RNLS: variants seen among roughly 807,000 people sequenced by gnomAD.
The protein encoded by RNLS is renalase, FAD dependent amine oxidase, also known as renalase.
A neutral mutation model predicts 39.8 loss-of-function variants in RNLS; 39 were observed. That is an observed-to-expected ratio of 0.98 (90% CI 0.76 to 1.28). The LOEUF is 1.28. Ranked by LOEUF, RNLS falls within the 50% of genes most tolerant of loss-of-function variation. The probability of loss-of-function intolerance (pLI) is 0.00; values close to 1 mark genes in which losing one functional copy is unlikely to be tolerated. For synonymous variants in RNLS, 147 were observed against 150.7 expected (o/e 0.98, Z 0.18); for missense variants, 410 against 413.3 (o/e 0.99, Z 0.07).
At chr10:88,366,663 GAAAAAAAAAAAAAA>G (rs774157650) in intron 4 of RNLS, among the ~76,000 whole-genome samples, 9 of 25,834 alleles carry the variant, frequency 3.5e-4, no homozygotes, top group African/African-American at 9.7e-4. Flanking sequence ...TAAGTTTTCT[GAAAAAAAAAAAAAA>G]AAAAAAAAAA....
the RNLS span, among the ~76,000 whole-genome samples, chr10:88,226,738 C>CTT: frequency 0.011 from 762 of 69,476 alleles, 75 homozygotes; most frequent in South Asian, 0.016. Context: ...TCTCCCTTCA[C>CTT]TTTTTTTTTT....
chr10:88,183,713 T>A, the RNLS span, among the ~76,000 whole-genome samples: 1 of 152,142 alleles, frequency 6.6e-6, no homozygotes, highest in East Asian at 1.9e-4. Flanking sequence ...ATAGGGAACA[T>A]CTTGTGTTTT....
intron 4 of RNLS, among the ~76,000 whole-genome samples, chr10:88,385,128 A>G (rs762144506): frequency 9.9e-5 from 15 of 152,226 alleles, no homozygotes; most frequent in Admixed American, 4.6e-4. Context: ...ATGCTAGCTC[A>G]TTTCCTTGGA....
intron 4 of RNLS, among the ~76,000 whole-genome samples, chr10:88,381,968 G>A (rs117120221): frequency 0.018 from 2,771 of 152,024 alleles, 37 homozygotes; most frequent in Non-Finnish European, 0.032. Context: ...AAGTTTTATT[G>A]GAACCAGCCA....
At chr10:88,492,612 A>T (rs1376478650) in intron 4 of RNLS, among the ~76,000 whole-genome samples, 2 of 151,336 alleles carry the variant, frequency 1.3e-5, no homozygotes, top group African/African-American at 4.9e-5. Context: ...AGAGACGGAG[A>T]TTCTCTCTGT....
intron 4 of RNLS, among the ~76,000 whole-genome samples, chr10:88,554,179 A>T (rs1315905299): frequency 6.6e-6 from 1 of 152,130 alleles, no homozygotes; most frequent in African/African-American, 2.4e-5. Flanking sequence ...TGATCCAAAA[A>T]AAAAAAGCTG....
intron 6 of RNLS, among the ~76,000 whole-genome samples, chr10:88,277,820 T>C (rs888224916): frequency 1.3e-5 from 2 of 152,188 alleles, no homozygotes; most frequent in African/African-American, 2.4e-5. Context: ...GTTCTAGTGA[T>C]TTATTCTTAA....
intron 4 of RNLS, among the ~76,000 whole-genome samples, chr10:88,477,816 T>G (rs1843905216): frequency 1.3e-5 from 2 of 152,196 alleles, no homozygotes; most frequent in African/African-American, 4.8e-5. Context: ...TTCACACAGC[T>G]GTCCAGAGCA....
rs186701333 is a variant in RNLS at position 88,385,436 on chromosome 10, T to G, written c.527-22711A>C. 2.2e-4 allele frequency among the ~76,000 whole-genome samples: 33 copies of G among 152,312 alleles called. 1 individual carries two copies. The East Asian group carries it at 2.9e-3, about 13-fold the overall frequency. The stretch of plus-strand genomic sequence containing the variant: ...CCAATTTAACTGGATGTCAGGTATT[T>G]CTATTTATTAAACCCGGCAGCCTAG... On this transcript the variant is annotated intron_variant, in intron 4 of 6. Transcript: ENST00000331772.
At chr10:88,538,532 G>C (rs928314195) in intron 4 of RNLS, among the ~76,000 whole-genome samples, 30 of 151,424 alleles carry the variant, frequency 2.0e-4, no homozygotes, top group Admixed American at 2.0e-3. Flanking sequence ...AAACTTGAAA[G>C]AAATAATAAA....
chr10:88,571,623 T>C lies in RNLS; in HGVS notation c.526+1280A>G, dbSNP rs58081364. On this transcript the variant is annotated intron_variant, in intron 4 of 6. Coordinates refer to ENST00000331772, the MANE Select transcript of RNLS (RefSeq NM_001031709.3). ...CTGGCCTGATGAAACAAAAGCTAACTGAGCAAGTGCAACTTCTTGGAGAAA... is the reference window on the plus strand; with the variant it reads ...CTGGCCTGATGAAACAAAAGCTAACCGAGCAAGTGCAACTTCTTGGAGAAA... Among the ~76,000 whole-genome samples the C allele has an allele frequency of 7.8e-3, 1,191 of 152,298 alleles. 23 individuals are homozygous for C. The highest frequency in any genetic ancestry group is 0.07 in the South Asian group (337 of 4,822).
At chr10:88,447,884 C>T (rs1318316582) in intron 4 of RNLS, among the ~76,000 whole-genome samples, 3 of 152,106 alleles carry the variant, frequency 2.0e-5, no homozygotes, top group Non-Finnish European at 4.4e-5. Context: ...CTTTGACAAA[C>T]CTGACAAAAA....
At chr10:88,480,749 C>T (rs1490137144) in intron 4 of RNLS, among the ~76,000 whole-genome samples, 1 of 150,452 alleles carries the variant, frequency 6.6e-6, no homozygotes, top group Non-Finnish European at 1.5e-5. Flanking sequence ...TTCTAAAATT[C>T]TTATGGAACT....
At chr10:88,372,392 A>T (rs1589674923) in intron 4 of RNLS, among the ~76,000 whole-genome samples, 1 of 152,210 alleles carries the variant, frequency 6.6e-6, no homozygotes, top group East Asian at 1.9e-4. Context: ...CAGCCATTGT[A>T]AAAGACTATC....
At position 88,284,283 on chromosome 10, in the gene RNLS, G is replaced by T. The variant is rs1393937006; in HGVS notation, c.*1071C>A. On this transcript the variant is annotated 3_prime_UTR_variant, in exon 7 of 7. Transcript: ENST00000331772. ...ACACTATTACAGTAAGAAGTCTTTTGTTGAACTTTTGTTAGTTTGAGAGGC... is the reference window on the plus strand; with the variant it reads ...ACACTATTACAGTAAGAAGTCTTTTTTTGAACTTTTGTTAGTTTGAGAGGC... The T allele has an allele frequency of 5.1e-6, 5 of 985,200 alleles. No individual in the cohort carries two copies. In the African/African-American group the frequency reaches 8.7e-5, roughly 17 times the overall value. 61.0% of individuals were successfully genotyped at this position (985,200 alleles called of 1,614,324 possible).
intron 4 of RNLS, among the ~76,000 whole-genome samples, chr10:88,375,647 G>T (rs1850931974): frequency 6.6e-6 from 1 of 152,092 alleles, no homozygotes; most frequent in Non-Finnish European, 1.5e-5. Flanking sequence ...TTACACTCTG[G>T]TTTCTAATTT....
chr10:88,172,846 T>TG, the RNLS span, among the ~76,000 whole-genome samples: 3 of 38,772 alleles, frequency 7.7e-5, no homozygotes, highest in Admixed American at 4.6e-4. Flanking sequence ...TGAGTTGTTT[T>TG]TTTTTTTTTT....
intron 4 of RNLS, among the ~76,000 whole-genome samples, chr10:88,512,390 A>G (rs186079334): frequency 1.3e-5 from 2 of 152,258 alleles, no homozygotes; most frequent in East Asian, 3.9e-4. Context: ...TCTATAAAAA[A>G]TGTAATTTAT....
intron 4 of RNLS, among the ~76,000 whole-genome samples, chr10:88,568,410 G>A (rs980560518): frequency 1.3e-5 from 2 of 152,004 alleles, no homozygotes; most frequent in Non-Finnish European, 1.5e-5. Context: ...ATTGATAATG[G>A]TTGCCTATAT....
Sources: gnomAD v4.1 joint callset for allele counts (sites outside exome capture counted in the v4.1 genomes callset) on GRCh38, gnomAD v4.1.1 for gene constraint, MANE v1.5 for transcripts, NCBI Gene and HGNC (gene_info 2026-07-23, HGNC 2026-07-21) for gene names.